DNAAF9: variants seen among roughly 807,000 people sequenced by gnomAD.
DNAAF9 encodes the protein shulin.
DNAAF9 carries 90 observed loss-of-function variants against 167.0 expected under a neutral mutation model. The observed-to-expected ratio is 0.54, with a 90% CI of 0.45 to 0.64. DNAAF9 has a LOEUF of 0.64. DNAAF9 is among the 30% of genes least tolerant of loss of function. The pLI is 0.00. For missense variants in DNAAF9, 1,315 were observed against 1,442.2 expected (o/e 0.91, Z 1.43); for synonymous variants, 491 against 508.8 (o/e 0.96, Z 0.47).
intron 10 of DNAAF9, among the ~76,000 whole-genome samples, chr20:3,336,881 T>C (rs898303866): frequency 1.4e-5 from 2 of 140,944 alleles, no homozygotes; most frequent in Non-Finnish European, 3.2e-5. Context: ...TTTTCCTTTT[T>C]CTTTTTTTTT....
At chr20:3,393,929 GTT>G (rs1264056002) in intron 1 of DNAAF9, among the ~76,000 whole-genome samples, 1 of 152,096 alleles carries the variant, frequency 6.6e-6, no homozygotes, top group African/African-American at 2.4e-5. Flanking sequence ...GTTGTCAAAT[GTT>G]TATTGATTAT....
In DNAAF9 at chr20:3,322,656, C is replaced by G. The variant is rs1458143477; in HGVS notation, c.1306G>C (p.Gly436Arg). 1 of 1,611,474 alleles carries G rather than the reference C, an allele frequency of 6.2e-7. No homozygotes were observed. Among genetic ancestry groups the G allele is most frequent in the East Asian group, 2.2e-5 (1 of 44,868 alleles). ...GCACCACAATCATATACGCACCTTC[C>G]CTGATTATTCACAGCATGTATATGA... Reference protein sequence around the residue: ...TFHIHAVNNQGRIVPLDSEDS... With the variant: ...TFHIHAVNNQRRIVPLDSEDS... The change falls in exon 15 of 37, where the codon GGA becomes CGA. Residue 436 changes from glycine (G) to arginine (R), a missense_variant. Physicochemically the swap from Gly to Arg is moderately radical, Grantham distance 125. Around this residue, in one of 2 missense-constraint regions of DNAAF9, gnomAD observed 981 missense variants for 1,012.5 expected, o/e 0.97. Transcript: ENST00000252032.
At chr20:3,270,320 T>C in intron 30 of DNAAF9, 107 bp downstream of exon 30, 2 of 1,094,636 alleles carry the variant, frequency 1.8e-6, no homozygotes, top group Non-Finnish European at 2.7e-6. Flanking sequence ...AAAACTGACT[T>C]CTCCAAATGT....
intron 25 of DNAAF9, among the ~76,000 whole-genome samples, chr20:3,293,292 CA>C (rs1172725572): frequency 0.014 from 319 of 22,816 alleles, no homozygotes; most frequent in Middle Eastern, 0.045. Context: ...GACTCCGTCT[CA>C]AAAAAAAAAA....
intron 6 of DNAAF9, chr20:3,361,950 C>T (rs1386022859): frequency 9.1e-6 from 14 of 1,533,422 alleles, no homozygotes; most frequent in African/African-American, 2.7e-5. Flanking sequence ...CATTAGGCGC[C>T]GAAACTCTTG....
intron 6 of DNAAF9, among the ~76,000 whole-genome samples, chr20:3,369,216 T>G (rs1277470978): frequency 6.6e-6 from 1 of 152,114 alleles, no homozygotes; most frequent in Non-Finnish European, 1.5e-5. Flanking sequence ...TTCCCATTCA[T>G]ACTTAAGTGA....
intron 1 of DNAAF9, among the ~76,000 whole-genome samples, chr20:3,407,159 TG>T (rs1020336374): frequency 5.9e-5 from 9 of 152,052 alleles, no homozygotes; most frequent in Admixed American, 3.3e-4. Context: ...AAACGTTCTA[TG>T]GGGGTGAGGA....
intron 1 of DNAAF9, among the ~76,000 whole-genome samples, chr20:3,397,604 C>T (rs1404237304): frequency 6.6e-6 from 1 of 152,178 alleles, no homozygotes; most frequent in African/African-American, 2.4e-5. Flanking sequence ...AGGCGTGAGC[C>T]ACCACGCCCA....
intron 21 of DNAAF9, among the ~76,000 whole-genome samples, chr20:3,302,021 C>A (rs2069198516): frequency 1.3e-5 from 2 of 152,220 alleles, no homozygotes; most frequent in Middle Eastern, 3.4e-3. Flanking sequence ...TGGCTCACTG[C>A]AACCTCCACC....
chr20:3,401,348 G>A (rs1279398958), intron 1 of DNAAF9, among the ~76,000 whole-genome samples: 2 of 152,044 alleles, frequency 1.3e-5, no homozygotes, highest in Non-Finnish European at 1.5e-5. Context: ...TGGGATTACA[G>A]GCACCCGTCA....
intron 1 of DNAAF9, among the ~76,000 whole-genome samples, chr20:3,392,057 C>G (rs531713134): frequency 1.4e-4 from 21 of 152,174 alleles, no homozygotes; most frequent in Non-Finnish European, 3.1e-4. Flanking sequence ...ATCAGAAGTC[C>G]CAACTACTTA....
At chr20:3,262,970 T>C (rs1330969270) in intron 31 of DNAAF9, among the ~76,000 whole-genome samples, 1 of 128,478 alleles carries the variant, frequency 7.8e-6, no homozygotes, top group Non-Finnish European at 1.6e-5. Context: ...CAGATCTTTT[T>C]TTTTTTTTTT....
intron 12 of DNAAF9, among the ~76,000 whole-genome samples, chr20:3,326,747 C>CAA (rs5839993): frequency 2.6e-5 from 3 of 116,868 alleles, no homozygotes; most frequent in South Asian, 2.9e-4. Context: ...GACCCTGTCT[C>CAA]AAAAAAAAAA....
chr20:3,323,139 G>A (rs1162519074), intron 14 of DNAAF9, among the ~76,000 whole-genome samples: 1 of 149,876 alleles, frequency 6.7e-6, no homozygotes, highest in South Asian at 2.2e-4. Flanking sequence ...TTGTGTAAGT[G>A]TAATCTCTTG....
chr20:3,283,940 A>C (rs1223498372), intron 27 of DNAAF9, among the ~76,000 whole-genome samples: 1 of 152,038 alleles, frequency 6.6e-6, no homozygotes, highest in Non-Finnish European at 1.5e-5. Flanking sequence ...ATTTCCATTG[A>C]CTTTAATGGA....
chr20:3,341,855 G>A (rs1249976056), intron 9 of DNAAF9, among the ~76,000 whole-genome samples: 4 of 152,054 alleles, frequency 2.6e-5, no homozygotes, highest in Non-Finnish European at 5.9e-5. Context: ...TCGGCTCACT[G>A]CAAGCTCCAC....
chr20:3,343,662 A>G lies in DNAAF9; in HGVS notation c.845+14T>C. ...TATCACCATTCGCCCTTCTTCCCCA[A>G]GAAAGAAACTTACCTGTTTTCAGTT... On this transcript the variant is annotated intron_variant, in intron 9 of 36. Coordinates refer to ENST00000252032, the MANE Select transcript of DNAAF9 (RefSeq NM_001009984.3). 1 of 1,605,464 alleles carries G rather than the reference A, an allele frequency of 6.2e-7. No homozygotes were observed. Among genetic ancestry groups the G allele is most frequent in the Non-Finnish European group, 8.5e-7 (1 of 1,173,474 alleles).
chr20:3,289,912 G>A (rs563252641), intron 26 of DNAAF9, among the ~76,000 whole-genome samples: 7 of 152,302 alleles, frequency 4.6e-5, no homozygotes, highest in African/African-American at 1.7e-4. Flanking sequence ...CATAAGTGCA[G>A]AGATTTTCGT....
intron 29 of DNAAF9, among the ~76,000 whole-genome samples, chr20:3,273,500 G>T (rs867037137): frequency 6.6e-6 from 1 of 152,134 alleles, no homozygotes; most frequent in Non-Finnish European, 1.5e-5. Context: ...TTAAGATCAT[G>T]GTAGAAGGCC....
Sources: gnomAD v4.1 joint callset for allele counts (sites outside exome capture counted in the v4.1 genomes callset) on GRCh38, gnomAD v4.1.1 for gene constraint, gnomAD v4.1.1 regional missense constraint, MANE v1.5 for transcripts, NCBI Gene and HGNC (gene_info 2026-07-23, HGNC 2026-07-21) for gene names.